DPYSL3: variants seen among roughly 807,000 people sequenced by gnomAD.
DPYSL3 encodes the protein dihydropyrimidinase like 3.
Under a neutral mutation model 66.1 loss-of-function variants are expected in DPYSL3, and 16 were observed. The ratio of observed to expected loss-of-function variants is 0.24; its 90% CI spans 0.16 to 0.37. DPYSL3 has a LOEUF of 0.37. Among genes scored for constraint, DPYSL3 ranks in the 10% least tolerant of loss-of-function variants. DPYSL3 has a pLI of 1.00. For missense variants in DPYSL3, 738 were observed against 916.2 expected, an observed-to-expected ratio of 0.81 and a Z score of 2.51; for synonymous variants, 338 against 345.1, an observed-to-expected ratio of 0.98 and a Z score of 0.23.
At chr5:147,422,561 T>C (rs1752102826) in intron 2 of DPYSL3, among the ~76,000 whole-genome samples, 1 of 152,194 alleles carries the variant, frequency 6.6e-6, no homozygotes, top group African/African-American at 2.4e-5. Flanking sequence ...CGTATGTTTA[T>C]TGCACCACTA....
At chr5:147,397,209 T>C (rs1027712024) in intron 12 of DPYSL3, among the ~76,000 whole-genome samples, 10 of 136,406 alleles carry the variant, frequency 7.3e-5, no homozygotes, top group African/African-American at 2.9e-4. Flanking sequence ...TCTCTGTGTG[T>C]GTTTATATAT....
At chr5:147,498,608 T>C (rs559713923) in intron 1 of DPYSL3, among the ~76,000 whole-genome samples, 1 of 152,238 alleles carries the variant, frequency 6.6e-6, no homozygotes, top group Admixed American at 6.5e-5. Flanking sequence ...CTATTATTTT[T>C]TGACTTTTTA....
intron 1 of DPYSL3, among the ~76,000 whole-genome samples, chr5:147,432,196 C>A (rs530731098): frequency 6.6e-6 from 1 of 152,156 alleles, no homozygotes; most frequent in Non-Finnish European, 1.5e-5. Context: ...CTTCAAAATG[C>A]AACCCACGAA....
intron 11 of DPYSL3, among the ~76,000 whole-genome samples, chr5:147,398,527 A>G (rs1159531165): frequency 6.6e-6 from 1 of 152,220 alleles, no homozygotes; most frequent in Non-Finnish European, 1.5e-5. Context: ...GTGCTTAAAA[A>G]TATTAACTAT....
At chr5:147,499,100 A>G (rs1009361244) in intron 1 of DPYSL3, among the ~76,000 whole-genome samples, 1 of 152,252 alleles carries the variant, frequency 6.6e-6, no homozygotes, top group East Asian at 1.9e-4. Context: ...ATTTTTTTAT[A>G]TGGTGCACCA....
At chr5:147,455,185 A>G (rs945126313) in intron 1 of DPYSL3, among the ~76,000 whole-genome samples, 33 of 152,342 alleles carry the variant, frequency 2.2e-4, no homozygotes, top group African/African-American at 7.9e-4. Flanking sequence ...TAAGGCATCC[A>G]CAGAAAGAGA....
intron 11 of DPYSL3, 31 bp from the exon 12 acceptor site, chr5:147,397,876 G>C (rs1318897429): frequency 7.1e-7 from 1 of 1,400,162 alleles, no homozygotes; most frequent in Non-Finnish European, 9.6e-7. Context: ...CAAAGCCACA[G>C]TAAGGGTAGA....
chr5:147,429,019 T>A (rs1241584220), intron 1 of DPYSL3, among the ~76,000 whole-genome samples: 1 of 152,188 alleles, frequency 6.6e-6, no homozygotes, highest in East Asian at 1.9e-4. Context: ...CCTCTTCACC[T>A]TCTGTTCCTG....
intron 1 of DPYSL3, chr5:147,453,761 G>A (rs1752792055): frequency 1.5e-6 from 2 of 1,316,252 alleles, no homozygotes; most frequent in Admixed American, 4.0e-5. Flanking sequence ...GCGGCTGCCA[G>A]AGACAATAGT....
intron 1 of DPYSL3, among the ~76,000 whole-genome samples, chr5:147,431,360 C>T (rs1752311768): frequency 6.6e-6 from 1 of 152,070 alleles, no homozygotes; most frequent in African/African-American, 2.4e-5. Flanking sequence ...TGACTTCTAG[C>T]ACCAACACTA....
chr5:147,406,920 T>G (rs1228878386), intron 7 of DPYSL3, among the ~76,000 whole-genome samples: 1 of 152,206 alleles, frequency 6.6e-6, no homozygotes, highest in African/African-American at 2.4e-5. Context: ...CTGGCTGAGC[T>G]GGCCTCCCCC....
chr5:147,409,833 C>T (rs554983338), intron 6 of DPYSL3, among the ~76,000 whole-genome samples: 7 of 152,290 alleles, frequency 4.6e-5, no homozygotes, highest in African/African-American at 1.7e-4. Flanking sequence ...AGCCTAGTCT[C>T]ACTTTGAAAC....
chr5:147,448,612 C>G (rs1752671142), intron 1 of DPYSL3, among the ~76,000 whole-genome samples: 1 of 152,230 alleles, frequency 6.6e-6, no homozygotes. Flanking sequence ...AGACCACTTT[C>G]ATGGCCACTA....
intron 7 of DPYSL3, chr5:147,406,028 C>T (rs972747795): frequency 2.8e-5 from 6 of 215,914 alleles, no homozygotes; most frequent in Admixed American, 5.3e-5. Context: ...GTGGTTATCA[C>T]AAAGGTGACA....
chr5:147,400,650 T>C, intron 10 of DPYSL3, 42 bp downstream of exon 10: 1 of 1,604,134 alleles, frequency 6.2e-7, no homozygotes. Context: ...GGCCCATGGA[T>C]GTTTTGGCTC....
chr5:147,507,028 C>T (rs1171031201), intron 1 of DPYSL3, among the ~76,000 whole-genome samples: 3 of 152,128 alleles, frequency 2.0e-5, no homozygotes, highest in Admixed American at 2.0e-4. Context: ...TACAATTTGC[C>T]ACATACTATA....
intron 1 of DPYSL3, among the ~76,000 whole-genome samples, chr5:147,458,141 G>A (rs1037868062): frequency 3.7e-4 from 57 of 152,196 alleles, no homozygotes; most frequent in Non-Finnish European, 7.5e-4. Context: ...CGAGACCTGA[G>A]ACCTACTGGG....
intron 7 of DPYSL3, among the ~76,000 whole-genome samples, chr5:147,408,495 A>G (rs1191916593): frequency 9.2e-5 from 14 of 152,218 alleles, no homozygotes; most frequent in Admixed American, 9.2e-4. Flanking sequence ...ACACTCCTGA[A>G]TAGCTGTGAA....
In DPYSL3 at chr5:147,458,246, G is replaced by A. The variant is rs185551081; in HGVS notation, c.382-33283C>T. On this transcript the variant is annotated intron_variant, in intron 1 of 13. Coordinates refer to ENST00000343218, the MANE Select transcript of DPYSL3 (RefSeq NM_001197294.2). The stretch of plus-strand genomic sequence containing the variant: ...CATAAAGACCTTCCTGATAAAACAG[G>A]TTGCACTAAAGAAGCTGGCTAAATC... Among the ~76,000 whole-genome samples, 437 of 152,260 alleles carry A rather than the reference G, an allele frequency of 2.9e-3. 2 individuals carry two copies. The highest frequency in any genetic ancestry group is 0.01 in the Middle Eastern group (3 of 294).
Sources: allele counts gnomAD v4.1 joint callset (sites outside exome capture counted in the v4.1 genomes callset), GRCh38; gene constraint gnomAD v4.1.1; transcripts MANE v1.5; gene names NCBI Gene and HGNC (gene_info 2026-07-23, HGNC 2026-07-21).